WDR72: variants seen among roughly 807,000 people sequenced by gnomAD.
WDR72 encodes the protein WD repeat domain 72.
WDR72 carries 120 observed loss-of-function variants against 124.2 expected under a neutral mutation model. That is an observed-to-expected ratio of 0.97 (90% confidence interval 0.83 to 1.12). The LOEUF (loss-of-function observed/expected upper bound fraction) is 1.12. Among genes scored for constraint, WDR72 ranks in the 50% most tolerant of loss-of-function variants. The probability of loss-of-function intolerance (pLI) is 0.00; values close to 1 mark genes in which losing one functional copy is unlikely to be tolerated. For synonymous variants in WDR72, 452 were observed against 441.7 expected (o/e 1.02, Z -0.29); for missense variants, 1,387 against 1,278.8 (o/e 1.08, Z -1.29).
chr15:53,520,976 A>AT, intron 19 of WDR72, among the ~76,000 whole-genome samples: 1 of 152,134 alleles, frequency 6.6e-6, no homozygotes, highest in East Asian at 1.9e-4. Context: ...TTATCACAGA[A>AT]TTTTATCCAC....
At chr15:53,696,214 T>C (rs1357373007) in intron 13 of WDR72, among the ~76,000 whole-genome samples, 2 of 152,238 alleles carry the variant, frequency 1.3e-5, no homozygotes, top group African/African-American at 4.8e-5. Context: ...GGAATAGGTC[T>C]GTCCACACAT....
intron 1 of WDR72, among the ~76,000 whole-genome samples, chr15:53,734,712 A>G (rs1342812682): frequency 3.3e-5 from 5 of 152,232 alleles, no homozygotes; most frequent in Middle Eastern, 3.4e-3. Flanking sequence ...GCTCAATGAA[A>G]GAGGAACAGA....
intron 1 of WDR72, among the ~76,000 whole-genome samples, chr15:53,738,350 A>G (rs1344347984): frequency 1.3e-5 from 2 of 152,184 alleles, no homozygotes; most frequent in Non-Finnish European, 2.9e-5. Flanking sequence ...TATAAAAACA[A>G]CAACATATAA....
rs556852912 is a variant in WDR72 at position 53,737,705 on chromosome 15, G to A, written c.-12-4544C>T. ...AAAGCTGGTAAATTAACTGTGACAC[G>A]GAGAGATTTTACATGTTTCAATTAG... is the stretch of plus-strand genomic sequence containing the variant. On this transcript the variant is annotated intron_variant, in intron 1 of 19. Coordinates refer to ENST00000360509, the MANE Select transcript of WDR72 (RefSeq NM_182758.4). 1.4e-4 allele frequency among the ~76,000 whole-genome samples: 22 copies of A among 152,094 alleles called. No homozygotes were observed. In the South Asian group the frequency reaches 2.3e-3, roughly 16 times the overall value.
intron 17 of WDR72, among the ~76,000 whole-genome samples, chr15:53,600,969 C>A (rs1490780302): frequency 6.6e-6 from 1 of 152,148 alleles, no homozygotes; most frequent in East Asian, 1.9e-4. Context: ...CAAACTTATT[C>A]ATCAGCAAAA....
At chr15:53,596,935 C>T in intron 18 of WDR72, 144 bp downstream of exon 18, 1 of 799,758 alleles carries the variant, frequency 1.3e-6, no homozygotes, top group Non-Finnish European at 2.1e-6. Context: ...ATAACCCCAT[C>T]ATAAGTCAAG....
At position 53,733,106 on chromosome 15, in the gene WDR72, G is replaced by A; in HGVS notation, c.44C>T (p.Ala15Val). 6.2e-7 allele frequency: 1 copy of A among 1,614,054 alleles called. No individual in the cohort carries two copies. Among genetic ancestry groups the A allele is most frequent in the Non-Finnish European group, 8.5e-7 (1 of 1,179,962 alleles). The change falls in exon 2 of 20, where the codon GCC becomes GTC. Residue 15 changes from alanine to valine, a missense_variant. Physicochemically the swap from Ala to Val is moderately conservative, Grantham distance 64. Transcript: ENST00000360509. The stretch of plus-strand genomic sequence containing the variant: ...GATGGCAGTGATGCTGTGGGGAGGG[G>A]CCTTCTGTCCCCAGAGTGCCACTGC... ...LQAVALWGQK[A>V]PPHSITAIMI... is the part of the protein sequence containing the mutation.
chr15:53,520,953 G>C (rs891835638), intron 19 of WDR72, among the ~76,000 whole-genome samples: 1 of 152,052 alleles, frequency 6.6e-6, no homozygotes, highest in African/African-American at 2.4e-5. Context: ...TCTGTCAGAA[G>C]TGTCTTAATT....
chr15:53,525,759 G>C (rs570599196), intron 18 of WDR72, among the ~76,000 whole-genome samples: 52 of 152,130 alleles, frequency 3.4e-4, no homozygotes, highest in Non-Finnish European at 5.9e-4. Flanking sequence ...TTGTGTGGGG[G>C]AGGGGAAATA....
At chr15:53,599,007 C>T (rs1222768075) in intron 17 of WDR72, among the ~76,000 whole-genome samples, 3 of 151,928 alleles carry the variant, frequency 2.0e-5, no homozygotes, top group African/African-American at 4.8e-5. Context: ...ACCTGTAGTC[C>T]TGGCTACTCA....
At chr15:53,741,383 G>A (rs909731618) in intron 1 of WDR72, among the ~76,000 whole-genome samples, 2 of 152,106 alleles carry the variant, frequency 1.3e-5, no homozygotes, top group African/African-American at 4.8e-5. Context: ...AATCGATCTC[G>A]AACAATCCAG....
intron 2 of WDR72, among the ~76,000 whole-genome samples, chr15:53,729,846 T>A (rs2018150653): frequency 6.6e-6 from 1 of 152,136 alleles, no homozygotes; most frequent in South Asian, 2.1e-4. Flanking sequence ...ACAGGGAAAT[T>A]GGTTGCCCTG....
chr15:53,559,740 G>T (rs1173199115), intron 18 of WDR72, among the ~76,000 whole-genome samples: 1 of 151,910 alleles, frequency 6.6e-6, no homozygotes, highest in Non-Finnish European at 1.5e-5. Flanking sequence ...AAAAGAGAAA[G>T]AAAAATCATT....
chr15:53,565,744 A>T (rs1894271021), intron 18 of WDR72, among the ~76,000 whole-genome samples: 1 of 147,074 alleles, frequency 6.8e-6, no homozygotes, highest in Non-Finnish European at 1.5e-5. Flanking sequence ...AAGTCATTTC[A>T]AACATGTGCA....
intron 18 of WDR72, among the ~76,000 whole-genome samples, chr15:53,563,305 A>G (rs926515805): frequency 2.0e-5 from 3 of 151,808 alleles, no homozygotes; most frequent in African/African-American, 7.2e-5. Flanking sequence ...ATAATATAAA[A>G]TTATTTTAAG....
intron 13 of WDR72, among the ~76,000 whole-genome samples, chr15:53,671,040 C>T (rs1413726505): frequency 6.6e-6 from 1 of 152,112 alleles, no homozygotes; most frequent in Non-Finnish European, 1.5e-5. Context: ...TTTTAATCCT[C>T]TTCAGTACAC....
chr15:53,690,019 G>T (rs1470800837), intron 13 of WDR72, among the ~76,000 whole-genome samples: 1 of 139,374 alleles, frequency 7.2e-6, no homozygotes, highest in Non-Finnish European at 1.5e-5. Flanking sequence ...TGAACAATTA[G>T]ATCACATGGA....
chr15:53,646,540 C>G (rs1037488161), intron 14 of WDR72, among the ~76,000 whole-genome samples: 1 of 152,016 alleles, frequency 6.6e-6, no homozygotes, highest in Non-Finnish European at 1.5e-5. Flanking sequence ...TACCAAAGGC[C>G]AGTAGACTGT....
intron 14 of WDR72, among the ~76,000 whole-genome samples, chr15:53,662,595 C>A (rs2015643990): frequency 6.6e-6 from 1 of 152,232 alleles, no homozygotes; most frequent in Middle Eastern, 3.4e-3. Flanking sequence ...GCATACTGTC[C>A]CTCATTTTTT....
Sources: allele counts gnomAD v4.1 joint callset (sites outside exome capture counted in the v4.1 genomes callset), GRCh38; gene constraint gnomAD v4.1.1; transcripts MANE v1.5; gene names NCBI Gene and HGNC (gene_info 2026-07-23, HGNC 2026-07-21).